Variants in RNF125 observed in about 807,000 individuals in gnomAD.
RNF125 encodes the protein E3 ubiquitin-protein ligase RNF125.
RNF125 carries 21 observed loss-of-function variants against 26.0 expected under a neutral mutation model. The ratio of observed to expected loss-of-function variants is 0.81; its 90% CI spans 0.57 to 1.16. RNF125 has a LOEUF of 1.16. Ranked by LOEUF, RNF125 falls within the 50% of genes most tolerant of loss-of-function variation. RNF125 has a pLI of 0.00. For synonymous variants in RNF125, 95 were observed against 109.2 expected (o/e 0.87, Z 0.81); for missense variants, 270 against 299.4 (o/e 0.90, Z 0.72).
intron 1 of RNF125, among the ~76,000 whole-genome samples, chr18:32,026,011 A>G (rs1345990893): frequency 6.6e-6 from 1 of 151,736 alleles, no homozygotes; most frequent in African/African-American, 2.4e-5. Flanking sequence ...AACAGAGAAT[A>G]TCAGCTATTA....
intron 5 of RNF125, 36 bp from the exon 6 acceptor site, chr18:32,068,262 A>G: frequency 8.7e-7 from 1 of 1,148,542 alleles, no homozygotes; most frequent in Non-Finnish European, 1.3e-6. Flanking sequence ...AATACTATTG[A>G]CTCTGAATAT....
intron 1 of RNF125, 104 bp from the exon 2 acceptor site, chr18:32,037,012 G>C (rs2039162045): frequency 9.9e-7 from 1 of 1,005,870 alleles, no homozygotes; most frequent in Non-Finnish European, 1.5e-6. Flanking sequence ...ATGGCTCATG[G>C]GGTACGAGGT....
chr18:32,080,185 C>T, the RNF125 span, among the ~76,000 whole-genome samples: 3 of 152,266 alleles, frequency 2.0e-5, no homozygotes, highest in Admixed American at 2.0e-4. Context: ...CGCGCCACCA[C>T]GCCCAGCTAA....
chr18:32,076,756 T>C (rs1475878157), downstream of RNF125, among the ~76,000 whole-genome samples: 1 of 152,198 alleles, frequency 6.6e-6, no homozygotes, highest in East Asian at 1.9e-4. Flanking sequence ...GTTAGGTTTA[T>C]TAAACACACC....
intron 5 of RNF125, among the ~76,000 whole-genome samples, chr18:32,067,831 G>A (rs2039498375): frequency 6.6e-6 from 1 of 152,186 alleles, no homozygotes; most frequent in Non-Finnish European, 1.5e-5. Flanking sequence ...AGAATGTGCT[G>A]ACATAGAATT....
At chr18:32,074,654 TG>T (rs1215529736), downstream of RNF125, among the ~76,000 whole-genome samples, 1 of 152,196 alleles carries the variant, frequency 6.6e-6, no homozygotes, top group East Asian at 1.9e-4. Flanking sequence ...GCAATTCTCC[TG>T]TCTCAGTCTC....
the RNF125 span, among the ~76,000 whole-genome samples, chr18:32,090,500 C>T: frequency 1.3e-5 from 2 of 152,170 alleles, no homozygotes; most frequent in Admixed American, 6.5e-5. Context: ...ATTAGCTATT[C>T]ATTGGACAAA....
At chr18:32,039,416 G>A (rs2039194343) in intron 2 of RNF125, among the ~76,000 whole-genome samples, 1 of 152,006 alleles carries the variant, frequency 6.6e-6, no homozygotes. Context: ...GAGCTGGGGA[G>A]AGGATCATGT....
chr18:32,081,193 GA>G, the RNF125 span, among the ~76,000 whole-genome samples: 2,233 of 104,312 alleles, frequency 0.021, 42 homozygotes, highest in African/African-American at 0.078. Flanking sequence ...GACTACATCT[GA>G]AAAAAAAAAA....
At chr18:32,029,977 G>A (rs2039076282) in intron 1 of RNF125, among the ~76,000 whole-genome samples, 1 of 152,188 alleles carries the variant, frequency 6.6e-6, no homozygotes, top group Admixed American at 6.6e-5. Context: ...AAAGAGCCAA[G>A]TCTCCATTGA....
chr18:32,063,753 T>C (rs1261688912), intron 4 of RNF125, among the ~76,000 whole-genome samples: 1 of 152,122 alleles, frequency 6.6e-6, no homozygotes, highest in East Asian at 1.9e-4. Context: ...AGGAGGGAGC[T>C]ATGGATACAC....
intron 2 of RNF125, among the ~76,000 whole-genome samples, chr18:32,037,970 C>A (rs1463814465): frequency 1.3e-5 from 2 of 152,066 alleles, no homozygotes; most frequent in African/African-American, 2.4e-5. Flanking sequence ...GGGTCCCCTT[C>A]CATGTTGTGG....
the RNF125 span, among the ~76,000 whole-genome samples, chr18:32,085,700 C>CAAAAA: frequency 3.0e-3 from 186 of 62,706 alleles, 9 homozygotes; most frequent in East Asian, 0.036. Context: ...AACGACTTAT[C>CAAAAA]AAAAAAAAAA....
At position 32,068,632 on chromosome 18, in the gene RNF125, A is replaced by G. The variant is rs2039506158; in HGVS notation, c.*248A>G. 1 of 374,096 alleles carries G rather than the reference A, an allele frequency of 2.7e-6. No homozygotes were observed. Among genetic ancestry groups the G allele is most frequent in the Admixed American group, 4.3e-5 (1 of 23,130 alleles). 23.2% of individuals were successfully genotyped at this position (374,096 alleles called of 1,614,324 possible). A position where few individuals can be genotyped will look rare whatever the true frequency, so the allele number is the denominator to read the frequency against. On this transcript the variant is annotated 3_prime_UTR_variant, in exon 6 of 6. Coordinates refer to ENST00000217740, the MANE Select transcript of RNF125 (RefSeq NM_017831.4). The stretch of plus-strand genomic sequence containing the variant: ...AATTATCTACATCAGTCATTGTTAC[A>G]TGGAAAAGACAGGTGGTAGGCAAGT...
downstream of RNF125, among the ~76,000 whole-genome samples, chr18:32,077,786 C>G (rs2039580259): frequency 6.6e-6 from 1 of 151,292 alleles, no homozygotes; most frequent in African/African-American, 2.4e-5. Context: ...AGTGTAACCT[C>G]TAATAATTTT....
the RNF125 span, among the ~76,000 whole-genome samples, chr18:32,087,037 T>C: frequency 1.3e-5 from 2 of 152,092 alleles, no homozygotes; most frequent in Non-Finnish European, 2.9e-5. Flanking sequence ...CTGAGTCACA[T>C]ACACACTCAT....
At chr18:32,058,075 T>C (rs1330187698) in intron 4 of RNF125, among the ~76,000 whole-genome samples, 1 of 143,744 alleles carries the variant, frequency 7.0e-6, no homozygotes, top group Non-Finnish European at 1.5e-5. Flanking sequence ...GTGGTTACAG[T>C]GAGCCATGAT....
chr18:32,038,143 G>A (rs2039179924), intron 2 of RNF125, among the ~76,000 whole-genome samples: 2 of 149,668 alleles, frequency 1.3e-5, no homozygotes, highest in South Asian at 4.2e-4. Flanking sequence ...CCGCCTCTCA[G>A]GTTCAAGTGA....
chr18:32,025,664 CA>C (rs34054474), intron 1 of RNF125, among the ~76,000 whole-genome samples: 2,190 of 64,994 alleles, frequency 0.034, 41 homozygotes, highest in African/African-American at 0.084. Context: ...AACTCTGTCT[CA>C]AAAAAAAAAA....
Sources: allele counts gnomAD v4.1 joint callset (sites outside exome capture counted in the v4.1 genomes callset), GRCh38; gene constraint gnomAD v4.1.1; transcripts MANE v1.5; gene names NCBI Gene and HGNC (gene_info 2026-07-23, HGNC 2026-07-21).